Variants in MYO1H observed in about 807,000 individuals in gnomAD.
The protein encoded by MYO1H is unconventional myosin-Ih.
A neutral mutation model predicts 149.3 loss-of-function variants in MYO1H; 118 were observed. The ratio of observed to expected loss-of-function variants is 0.79; its 90% confidence interval spans 0.68 to 0.92. The LOEUF (loss-of-function observed/expected upper bound fraction) is 0.92, where lower values mean the gene tolerates loss of function less well. Among genes scored for constraint, MYO1H ranks in the 40% least tolerant of loss-of-function variants. The pLI, the probability that MYO1H is intolerant of heterozygous loss-of-function variation, is 0.00. For synonymous variants in MYO1H, 447 were observed against 465.2 expected, an observed-to-expected ratio of 0.96 and a Z score of 0.50; for missense variants, 1,212 against 1,280.7, an observed-to-expected ratio of 0.95 and a Z score of 0.82.
At position 109,406,117 on chromosome 12, in the gene MYO1H, G is replaced by A. The variant is rs574527374; in HGVS notation, c.963+82G>A. 2.3e-4 allele frequency: 215 copies of A among 917,890 alleles called. 1 individual carries two copies. Among genetic ancestry groups the A allele is most frequent in the South Asian group, 5.1e-4 (35 of 68,242 alleles). The allele number at this position is 917,890 out of a possible 1,614,324, so 56.9% of individuals were successfully genotyped here. A position where few individuals can be genotyped will look rare whatever the true frequency, so the allele number is the denominator to read the frequency against. The stretch of plus-strand genomic sequence containing the variant: ...GAGGTAGCTGGGTGCCCACAGTTAG[G>A]CCCAAATATCTGGTGCCGTGCTGTT... On this transcript the variant is annotated intron_variant, in intron 8 of 31. Transcript: ENST00000310903.
At chr12:109,379,708 A>G (rs2137023467) in intron 1 of MYO1H, among the ~76,000 whole-genome samples, 1 of 152,034 alleles carries the variant, frequency 6.6e-6, no homozygotes, top group African/African-American at 2.4e-5. Flanking sequence ...TTAAAAAAGA[A>G]ACTGTTTTAG....
At chr12:109,354,617 C>CTT (rs752597262) in intron 1 of MYO1H, among the ~76,000 whole-genome samples, 1 of 98,716 alleles carries the variant, frequency 1.0e-5, no homozygotes, top group African/African-American at 5.6e-5. Flanking sequence ...GAGACTCTGT[C>CTT]TAAAAAAAAA....
chr12:109,393,907 G>T (rs1869784615), intron 3 of MYO1H, among the ~76,000 whole-genome samples: 1 of 151,580 alleles, frequency 6.6e-6, no homozygotes, highest in African/African-American at 2.4e-5. Flanking sequence ...TCTTCTCCGG[G>T]AAGAGGGTTG....
chr12:109,393,208 C>A, intron 2 of MYO1H, 123 bp from the exon 3 acceptor site: 1 of 662,454 alleles, frequency 1.5e-6, no homozygotes, highest in Non-Finnish European at 2.7e-6. Flanking sequence ...AAGCTCCCAG[C>A]AGAGACCCCG....
At chr12:109,409,650 C>A (rs757405609) in intron 11 of MYO1H, 26 bp downstream of exon 11, 11 of 1,557,786 alleles carry the variant, frequency 7.1e-6, no homozygotes, top group African/African-American at 1.4e-5. Context: ...ACCTACCTAT[C>A]TGTCTTTTGC....
chr12:109,436,368 T>C (rs1871857654), intron 21 of MYO1H, 120 bp from the exon 22 acceptor site: 2 of 681,626 alleles, frequency 2.9e-6, no homozygotes, highest in Non-Finnish European at 5.2e-6. Flanking sequence ...TCCTGAAACA[T>C]CACTACACCA....
At chr12:109,378,483 G>C (rs994677610) in intron 1 of MYO1H, among the ~76,000 whole-genome samples, 2 of 148,328 alleles carry the variant, frequency 1.3e-5, no homozygotes, top group Non-Finnish European at 3.0e-5. Context: ...ACCATACCCA[G>C]CCAATTTTTT....
At chr12:109,365,886 AG>A (rs1193846075) in intron 1 of MYO1H, among the ~76,000 whole-genome samples, 1 of 152,072 alleles carries the variant, frequency 6.6e-6, no homozygotes, top group Non-Finnish European at 1.5e-5. Flanking sequence ...GCAGGAGATG[AG>A]TGGTGGGTGA....
intron 19 of MYO1H, among the ~76,000 whole-genome samples, chr12:109,430,762 C>T (rs1871576191): frequency 6.6e-6 from 1 of 151,918 alleles, no homozygotes; most frequent in African/African-American, 2.4e-5. Flanking sequence ...CCTGTCTCTA[C>T]TAAAAATACA....
chr12:109,336,366 A>G, the MYO1H span, among the ~76,000 whole-genome samples: 15 of 152,254 alleles, frequency 9.9e-5, no homozygotes, highest in African/African-American at 3.4e-4. Flanking sequence ...ATTCATTTAG[A>G]ATGTTAGGGG....
intron 5 of MYO1H, among the ~76,000 whole-genome samples, chr12:109,399,993 T>G (rs1870092588): frequency 6.6e-6 from 1 of 152,194 alleles, no homozygotes; most frequent in South Asian, 2.1e-4. Flanking sequence ...TGTTCTGACC[T>G]CTGTGATCAC....
At chr12:109,382,664 A>G (rs1238284741) in intron 1 of MYO1H, among the ~76,000 whole-genome samples, 1 of 152,048 alleles carries the variant, frequency 6.6e-6, no homozygotes, top group African/African-American at 2.4e-5. Context: ...TAAAATATTT[A>G]TACATAAAGC....
At chr12:109,334,143 A>G in the MYO1H span, among the ~76,000 whole-genome samples, 4 of 151,978 alleles carry the variant, frequency 2.6e-5, no homozygotes, top group Non-Finnish European at 2.9e-5. Context: ...CAGCCTCCTG[A>G]GTAGCTGGGA....
chr12:109,393,083 C>T (rs1869728724), intron 2 of MYO1H, among the ~76,000 whole-genome samples: 1 of 152,230 alleles, frequency 6.6e-6, no homozygotes, highest in South Asian at 2.1e-4. Context: ...GCTGGGATTA[C>T]AGGCATGATC....
chr12:109,363,840 GA>G (rs1868806672), intron 1 of MYO1H, among the ~76,000 whole-genome samples: 2 of 152,144 alleles, frequency 1.3e-5, no homozygotes, highest in African/African-American at 4.8e-5. Context: ...ATAGCAAGAC[GA>G]AAAAGAAATA....
At chr12:109,343,818 G>A (rs952063845), upstream of MYO1H, among the ~76,000 whole-genome samples, 2 of 152,208 alleles carry the variant, frequency 1.3e-5, no homozygotes, top group African/African-American at 4.8e-5. Flanking sequence ...TGGGATGGGA[G>A]CTAGTCTCTG....
chr12:109,391,708 C>T (rs1355832927), intron 2 of MYO1H, among the ~76,000 whole-genome samples: 1 of 152,226 alleles, frequency 6.6e-6, no homozygotes, highest in African/African-American at 2.4e-5. Flanking sequence ...TTTTTCTCCA[C>T]TGCCTTGCCA....
At chr12:109,340,540 G>A in the MYO1H span, among the ~76,000 whole-genome samples, 71 of 152,230 alleles carry the variant, frequency 4.7e-4, no homozygotes, top group Non-Finnish European at 8.1e-4. Flanking sequence ...AATGAAACAA[G>A]TAACACTAAT....
intron 1 of MYO1H, among the ~76,000 whole-genome samples, chr12:109,371,633 G>A (rs1206725758): frequency 6.6e-6 from 1 of 152,050 alleles, no homozygotes; most frequent in Non-Finnish European, 1.5e-5. Flanking sequence ...GGATATTGAG[G>A]TTGCTTATTA....
Sources: allele counts gnomAD v4.1 joint callset (sites outside exome capture counted in the v4.1 genomes callset), GRCh38; gene constraint gnomAD v4.1.1; transcripts MANE v1.5; gene names NCBI Gene and HGNC (gene_info 2026-07-23, HGNC 2026-07-21).